The following THSD4 variants were observed in gnomAD, a reference collection of about 807,000 sequenced individuals.
THSD4 encodes the protein thrombospondin type 1 domain containing 4.
In THSD4, 69 loss-of-function variants were observed where a neutral mutation model predicts 119.0. The ratio of observed to expected loss-of-function variants is 0.58; its 90% CI spans 0.48 to 0.71. THSD4 has a LOEUF of 0.71. Ranked by LOEUF, THSD4 falls within the 30% of genes least tolerant of loss-of-function variation. The probability of loss-of-function intolerance (pLI) is 0.00; values close to 1 mark genes in which losing one functional copy is unlikely to be tolerated. For missense variants in THSD4, 1,393 were observed against 1,391.1 expected, an observed-to-expected ratio of 1.00 and a Z score of -0.02; for synonymous variants, 524 against 540.4, an observed-to-expected ratio of 0.97 and a Z score of 0.42.
chr15:71,608,890 C>A (rs1277968765), intron 7 of THSD4, among the ~76,000 whole-genome samples: 2 of 152,332 alleles, frequency 1.3e-5, no homozygotes, highest in African/African-American at 4.8e-5. Flanking sequence ...GATGATTTCA[C>A]ACGCCCCATT....
chr15:71,224,183 G>A (rs2043996240), intron 4 of THSD4, among the ~76,000 whole-genome samples: 1 of 152,180 alleles, frequency 6.6e-6, no homozygotes, highest in South Asian at 2.1e-4. Flanking sequence ...GGAGGCATGA[G>A]TGAGCATGTC....
At chr15:71,171,419 C>A (rs1357234293) in intron 3 of THSD4, among the ~76,000 whole-genome samples, 1 of 152,144 alleles carries the variant, frequency 6.6e-6, no homozygotes, top group Non-Finnish European at 1.5e-5. Flanking sequence ...CCTAAAATTT[C>A]ATACCCAGCA....
At chr15:71,372,613 T>C (rs546125527) in intron 6 of THSD4, among the ~76,000 whole-genome samples, 1 of 152,348 alleles carries the variant, frequency 6.6e-6, no homozygotes, top group African/African-American at 2.4e-5. Flanking sequence ...GAACAGCAAA[T>C]GTTGCTGCCT....
chr15:71,489,914 C>T (rs73441562), intron 7 of THSD4, among the ~76,000 whole-genome samples: 5,221 of 152,114 alleles, frequency 0.034, 311 homozygotes, highest in African/African-American at 0.12. Context: ...ATTAAAACCA[C>T]CATCACTGTT....
intron 8 of THSD4, among the ~76,000 whole-genome samples, chr15:71,692,566 A>G (rs2052078075): frequency 6.6e-6 from 1 of 152,170 alleles, no homozygotes; most frequent in Non-Finnish European, 1.5e-5. Context: ...GGCCAGGGTG[A>G]CCTCAGCTTA....
intron 3 of THSD4, among the ~76,000 whole-genome samples, chr15:71,173,067 A>G (rs1235224682): frequency 6.6e-6 from 1 of 152,194 alleles, no homozygotes; most frequent in Middle Eastern, 3.4e-3. Context: ...TCCAAATTGG[A>G]AATGAAGAAG....
chr15:71,343,991 G>T (rs376070284), intron 6 of THSD4, among the ~76,000 whole-genome samples: 2 of 151,250 alleles, frequency 1.3e-5, no homozygotes, highest in East Asian at 1.9e-4. Context: ...TGGGGGTGGG[G>T]TGGGGGTGGG....
intron 7 of THSD4, among the ~76,000 whole-genome samples, chr15:71,456,653 G>A (rs186556196): frequency 6.6e-6 from 1 of 152,216 alleles, no homozygotes; most frequent in East Asian, 1.9e-4. Context: ...CCACCTTGAG[G>A]CTGCACTGCT....
At chr15:71,758,179 C>T in intron 15 of THSD4, 104 bp downstream of exon 15, 1 of 1,321,468 alleles carries the variant, frequency 7.6e-7, no homozygotes, top group Non-Finnish European at 1.0e-6. Context: ...GCTTTGAATC[C>T]CAGCAGTGCC....
At chr15:71,607,618 C>T (rs752740560) in intron 7 of THSD4, among the ~76,000 whole-genome samples, 1 of 152,180 alleles carries the variant, frequency 6.6e-6, no homozygotes, top group Non-Finnish European at 1.5e-5. Context: ...GAGCCTTACC[C>T]AACCCCCAGT....
chr15:71,532,277 AGAGAGAGTGT>A (rs1331515206), intron 7 of THSD4, among the ~76,000 whole-genome samples: 48 of 123,032 alleles, frequency 3.9e-4, no homozygotes, highest in African/African-American at 1.4e-3. Flanking sequence ...AGAGAGAGAG[AGAGAGAGTGT>A]GTGTGTGTGT....
intron 7 of THSD4, chr15:71,549,798 G>A (rs71395019): frequency 0.14 from 20,973 of 152,312 alleles, 1,460 homozygotes; most frequent in Middle Eastern, 0.21. Context: ...GAAGCCAAGC[G>A]GCACACTCTG....
rs766659145 is a variant in THSD4, at chr15:71,411,724, A to G, written c.1053A>G (p.Ala351=). Residue 351 remains alanine (A), a synonymous_variant, in exon 7 of 18, where the codon GCA becomes GCG. Coordinates refer to ENST00000261862, the MANE Select transcript of THSD4 (RefSeq NM_024817.3). ...GCAAATGTGAGTTGAACTGCCAGGC[A>G]ATGGGCTACCGCTTCTATGTACGGC... ...GNRKCELNCQ[A]MGYRFYVRQA... The G allele has an allele frequency of 6.2e-7, 1 of 1,614,152 alleles. No homozygotes were observed. Among genetic ancestry groups the G allele is most frequent in the South Asian group, 1.1e-5 (1 of 91,082 alleles).
intron 16 of THSD4, 53 bp downstream of exon 16, chr15:71,765,252 G>A: frequency 6.3e-7 from 1 of 1,574,912 alleles, no homozygotes; most frequent in Non-Finnish European, 8.6e-7. Flanking sequence ...TCCCCCACCT[G>A]AACTCCTATA....
At chr15:71,555,552 C>T (rs1567034661) in intron 7 of THSD4, among the ~76,000 whole-genome samples, 1 of 152,020 alleles carries the variant, frequency 6.6e-6, no homozygotes, top group South Asian at 2.1e-4. Flanking sequence ...GAATATGAAC[C>T]CTCTGCTTTT....
intron 6 of THSD4, among the ~76,000 whole-genome samples, chr15:71,323,635 A>T (rs1174873812): frequency 2.0e-5 from 3 of 152,142 alleles, no homozygotes; most frequent in African/African-American, 7.2e-5. Flanking sequence ...GCAAGACACA[A>T]GCTTATTGAT....
In THSD4 at chr15:71,737,880, T is replaced by C. The variant is rs1356791748; in HGVS notation, c.1779T>C (p.His593=). The C allele has an allele frequency of 6.2e-7, 1 of 1,614,066 alleles. No individual in the cohort carries two copies. The highest frequency in any genetic ancestry group is 1.3e-5 in the African/African-American group (1 of 74,930). ...SESAQTFPVR[H]PDRFSPHRPD... ...CGGCACAGACCTTCCCAGTCAGGCATCCAGACAGATTTTCTCCCCATCGAC... is the reference window on the plus strand; with the variant it reads ...CGGCACAGACCTTCCCAGTCAGGCACCCAGACAGATTTTCTCCCCATCGAC... Residue 593 remains histidine, a synonymous_variant, in exon 11 of 18, where the codon CAT becomes CAC. Transcript: ENST00000261862.
chr15:71,761,480 CT>C (rs773175314), intron 15 of THSD4, among the ~76,000 whole-genome samples: 22 of 152,106 alleles, frequency 1.4e-4, no homozygotes, highest in Admixed American at 1.3e-3. Flanking sequence ...TAGTTTTCTG[CT>C]TTCCCCCCAA....
At chr15:71,384,384 A>G (rs905254356) in intron 6 of THSD4, among the ~76,000 whole-genome samples, 14 of 151,532 alleles carry the variant, frequency 9.2e-5, no homozygotes, top group Non-Finnish European at 1.3e-4. Flanking sequence ...CTCCGTCTCA[A>G]AAAAAAAACA....
Sources: gnomAD v4.1 joint callset for allele counts (sites outside exome capture counted in the v4.1 genomes callset) on GRCh38, gnomAD v4.1.1 for gene constraint, MANE v1.5 for transcripts, NCBI Gene and HGNC (gene_info 2026-07-23, HGNC 2026-07-21) for gene names.